Variants in ZNF385C observed in about 807,000 individuals in gnomAD.
ZNF385C encodes the protein CTD-2132N18.2.
In ZNF385C, 28 loss-of-function variants were observed where a neutral mutation model predicts 35.4. The observed-to-expected ratio is 0.79, with a 90% CI of 0.59 to 1.08. The LOEUF (loss-of-function observed/expected upper bound fraction) is 1.08. Ranked by LOEUF, ZNF385C falls within the 50% of genes least tolerant of loss-of-function variation. The pLI is 0.00. For missense variants in ZNF385C, 605 were observed against 595.6 expected, an observed-to-expected ratio of 1.02 and a Z score of -0.16; for synonymous variants, 248 against 248.2, an observed-to-expected ratio of 1.00 and a Z score of 0.01.
intron 1 of ZNF385C, among the ~76,000 whole-genome samples, chr17:42,088,228 T>C (rs1466215281): frequency 6.6e-6 from 1 of 152,212 alleles, no homozygotes; most frequent in African/African-American, 2.4e-5. Context: ...AGATTTCCAC[T>C]TTACAGATGA....
intron 1 of ZNF385C, among the ~76,000 whole-genome samples, chr17:42,072,571 G>T (rs1172608266): frequency 1.3e-5 from 2 of 152,004 alleles, no homozygotes; most frequent in Non-Finnish European, 2.9e-5. Flanking sequence ...CCTGGAGAGC[G>T]CTCCGGACAA....
intron 2 of ZNF385C, among the ~76,000 whole-genome samples, chr17:42,054,426 T>C (rs1555657378): frequency 6.6e-6 from 1 of 152,076 alleles, no homozygotes; most frequent in Non-Finnish European, 1.5e-5. Context: ...CTCAGAGAGG[T>C]GTTGCCACTT....
intron 1 of ZNF385C, among the ~76,000 whole-genome samples, chr17:42,080,434 C>T (rs1946998704): frequency 6.6e-6 from 1 of 152,202 alleles, no homozygotes; most frequent in South Asian, 2.1e-4. Context: ...TCCTCCCATC[C>T]CAGCCCACTG....
intron 1 of ZNF385C, among the ~76,000 whole-genome samples, chr17:42,072,785 G>A (rs1331703029): frequency 3.3e-5 from 5 of 152,164 alleles, no homozygotes; most frequent in African/African-American, 4.8e-5. Flanking sequence ...CTCCCCGGGT[G>A]GGAGGAAGAG....
intron 1 of ZNF385C, among the ~76,000 whole-genome samples, chr17:42,073,239 C>G (rs2053649725): frequency 6.6e-6 from 1 of 152,074 alleles, no homozygotes; most frequent in Non-Finnish European, 1.5e-5. Flanking sequence ...GAGTTCGAGA[C>G]CAGCGTGGCC....
At chr17:42,031,314 C>T (rs1191438445) in intron 5 of ZNF385C, among the ~76,000 whole-genome samples, 1 of 152,168 alleles carries the variant, frequency 6.6e-6, no homozygotes, top group Non-Finnish European at 1.5e-5. Context: ...ACCATCACAA[C>T]ATGTGAGCCA....
intron 1 of ZNF385C, among the ~76,000 whole-genome samples, chr17:42,067,623 G>A (rs1223548454): frequency 6.6e-6 from 1 of 152,156 alleles, no homozygotes; most frequent in African/African-American, 2.4e-5. Context: ...GCACACTGGA[G>A]GTCACTGCCA....
At chr17:42,040,819 T>C (rs1205304196) in intron 2 of ZNF385C, 1 of 1,232,120 alleles carries the variant, frequency 8.1e-7, no homozygotes, top group Non-Finnish European at 1.0e-6. Context: ...GGCCGGGGGC[T>C]CAGGATCTGT....
chr17:42,066,207 G>A (rs573931066), intron 1 of ZNF385C, among the ~76,000 whole-genome samples: 3 of 152,110 alleles, frequency 2.0e-5, no homozygotes, highest in South Asian at 2.1e-4. Flanking sequence ...CTACAGGCGC[G>A]TGCCACCACT....
At chr17:42,045,196 C>A (rs904663578) in intron 2 of ZNF385C, among the ~76,000 whole-genome samples, 1 of 152,126 alleles carries the variant, frequency 6.6e-6, no homozygotes, top group Non-Finnish European at 1.5e-5. Flanking sequence ...GGATTACAGG[C>A]GTGAGCCACC....
intron 2 of ZNF385C, 132 bp from the exon 3 acceptor site, chr17:42,038,017 C>T: frequency 6.5e-7 from 1 of 1,536,778 alleles, no homozygotes; most frequent in African/African-American, 1.4e-5. Flanking sequence ...GTGGCACCAG[C>T]CAGACCCATA....
At chr17:42,043,471 T>C in intron 2 of ZNF385C, 1 of 1,131,236 alleles carries the variant, frequency 8.8e-7, no homozygotes, top group Non-Finnish European at 1.1e-6. Context: ...ACAAGGAGAG[T>C]TGATGGGGAG....
chr17:42,057,516 G>GTT (rs1555657641), intron 2 of ZNF385C, among the ~76,000 whole-genome samples: 3 of 142,352 alleles, frequency 2.1e-5, no homozygotes, highest in Non-Finnish European at 1.5e-5. Context: ...GCGCGCGCGT[G>GTT]TGTGTGTGTG....
intron 3 of ZNF385C, among the ~76,000 whole-genome samples, chr17:42,035,118 CAAAAAA>C (rs1239388932): frequency 1.1e-4 from 9 of 81,506 alleles, no homozygotes; most frequent in East Asian, 4.1e-4. Context: ...GACTCTGTCT[CAAAAAA>C]AAAAAAAAAA....
intron 2 of ZNF385C, among the ~76,000 whole-genome samples, chr17:42,051,660 A>G (rs1342120152): frequency 1.3e-5 from 2 of 152,116 alleles, no homozygotes; most frequent in Non-Finnish European, 2.9e-5. Context: ...TGTCCAGACA[A>G]TGACCCAGTC....
chr17:42,067,267 G>A (rs2053561616), intron 1 of ZNF385C, among the ~76,000 whole-genome samples: 1 of 152,118 alleles, frequency 6.6e-6, no homozygotes, highest in East Asian at 1.9e-4. Flanking sequence ...GGACTTTTAG[G>A]ATCCAGAACT....
intron 2 of ZNF385C, chr17:42,043,346 C>CT (rs2053074071): frequency 8.1e-7 from 1 of 1,232,148 alleles, no homozygotes; most frequent in Non-Finnish European, 1.0e-6. Context: ...TTGGAGGCCT[C>CT]TCCCGCTGGT....
chr17:42,075,959 A>C (rs2053680241), intron 1 of ZNF385C, among the ~76,000 whole-genome samples: 2 of 152,018 alleles, frequency 1.3e-5, no homozygotes, highest in South Asian at 4.2e-4. Flanking sequence ...TGAAACCCCC[A>C]GGTCTATTTT....
chr17:42,038,083 C>T (rs1207532488), intron 2 of ZNF385C, 198 bp from the exon 3 acceptor site: 1 of 1,534,524 alleles, frequency 6.5e-7, no homozygotes, highest in East Asian at 2.4e-5. Context: ...GAAGCAGAGG[C>T]AGGGAGTCCA....
Sources: gnomAD v4.1 joint callset for allele counts (sites outside exome capture counted in the v4.1 genomes callset) on GRCh38, gnomAD v4.1.1 for gene constraint, MANE v1.5 for transcripts, NCBI Gene and HGNC (gene_info 2026-07-23, HGNC 2026-07-21) for gene names.